The following NEK10 variants were observed in gnomAD, a reference collection of about 807,000 sequenced individuals.
The protein encoded by NEK10 is serine/threonine-protein kinase Nek10.
NEK10 carries 122 observed loss-of-function variants against 159.8 expected under a neutral mutation model. That is an observed-to-expected ratio of 0.76 (90% CI 0.66 to 0.89). The LOEUF (loss-of-function observed/expected upper bound fraction) is 0.89. Among genes scored for constraint, NEK10 ranks in the 40% least tolerant of loss-of-function variants. NEK10 has a pLI of 0.00. For missense variants in NEK10, 1,342 were observed against 1,323.1 expected, an observed-to-expected ratio of 1.01 and a Z score of -0.22; for synonymous variants, 466 against 457.1, an observed-to-expected ratio of 1.02 and a Z score of -0.25.
chr3:27,133,182 C>T (rs537886166), intron 31 of NEK10, among the ~76,000 whole-genome samples: 2 of 152,234 alleles, frequency 1.3e-5, no homozygotes, highest in Admixed American at 6.5e-5. Context: ...CTGAGCAGCC[C>T]GAATGGAACT....
At chr3:27,192,634 AT>A (rs1949220669) in intron 25 of NEK10, among the ~76,000 whole-genome samples, 1 of 151,418 alleles carries the variant, frequency 6.6e-6, no homozygotes, top group African/African-American at 2.4e-5. Context: ...TAAACCTTTC[AT>A]TAGTGTGGAT....
At chr3:27,236,295 A>T (rs1364930549) in intron 23 of NEK10, among the ~76,000 whole-genome samples, 4 of 152,172 alleles carry the variant, frequency 2.6e-5, no homozygotes, top group Admixed American at 2.6e-4. Flanking sequence ...CTTAAAAGTT[A>T]AAAAATAAGT....
chr3:27,331,875 T>C lies in NEK10; in HGVS notation c.363-9614A>G, dbSNP rs115716691. The stretch of plus-strand genomic sequence containing the variant: ...TCATTTCCAAAATTCTTCAAATTTG[T>C]AGCAGATATCTCAGGAAACTGGGGT... On this transcript the variant is annotated intron_variant, in intron 5 of 35. Transcript: ENST00000691995. Among the ~76,000 whole-genome samples the C allele has an allele frequency of 8.8e-3, 1,333 of 152,340 alleles. 26 individuals carry two copies. Among genetic ancestry groups the C allele is most frequent in the African/African-American group, 0.03 (1,229 of 41,578 alleles).
intron 30 of NEK10, chr3:27,162,438 C>G (rs376531519): frequency 6.2e-7 from 1 of 1,610,554 alleles, no homozygotes. Context: ...TGCTTAACAT[C>G]AATGTGATCT....
At chr3:27,335,330 ACT>A (rs1368990632) in intron 5 of NEK10, among the ~76,000 whole-genome samples, 8 of 142,288 alleles carry the variant, frequency 5.6e-5, no homozygotes, top group Admixed American at 4.7e-4. Context: ...ACAGAGTGAA[ACT>A]CTGTCTCAAA....
chr3:27,334,545 G>A (rs1406462801), intron 5 of NEK10, among the ~76,000 whole-genome samples: 1 of 152,052 alleles, frequency 6.6e-6, no homozygotes, highest in Non-Finnish European at 1.5e-5. Flanking sequence ...AGCCTACCTT[G>A]TGTCCCAGTC....
intron 5 of NEK10, among the ~76,000 whole-genome samples, chr3:27,324,842 C>A (rs1225891576): frequency 1.3e-5 from 2 of 152,154 alleles, no homozygotes; most frequent in Admixed American, 1.3e-4. Flanking sequence ...GGCCTGGCCT[C>A]CCCATTACAC....
chr3:27,339,125 T>C (rs1353806146), intron 5 of NEK10, among the ~76,000 whole-genome samples: 1 of 152,158 alleles, frequency 6.6e-6, no homozygotes, highest in Non-Finnish European at 1.5e-5. Context: ...CATTAAAAAG[T>C]GGGCAAAGTT....
At chr3:27,281,877 T>C (rs530262199) in intron 22 of NEK10, among the ~76,000 whole-genome samples, 1 of 152,242 alleles carries the variant, frequency 6.6e-6, no homozygotes, top group South Asian at 2.1e-4. Flanking sequence ...TGTTTGACCA[T>C]GTGGAAAATA....
intron 22 of NEK10, among the ~76,000 whole-genome samples, chr3:27,281,125 G>A (rs73161145): frequency 0.025 from 3,738 of 151,828 alleles, 159 homozygotes; most frequent in African/African-American, 0.086. Context: ...CAATGGAATG[G>A]AAAAGAAAGT....
chr3:27,267,009 C>T (rs746702633), intron 22 of NEK10, among the ~76,000 whole-genome samples: 1 of 152,164 alleles, frequency 6.6e-6, no homozygotes, highest in Non-Finnish European at 1.5e-5. Flanking sequence ...TTCACAACAC[C>T]TCCACAGGTA....
chr3:27,281,466 T>C (rs1486052266), intron 22 of NEK10, among the ~76,000 whole-genome samples: 1 of 151,870 alleles, frequency 6.6e-6, no homozygotes, highest in East Asian at 1.9e-4. Context: ...AGAAGAACAC[T>C]GGATTTCCTG....
intron 1 of NEK10, among the ~76,000 whole-genome samples, chr3:27,366,464 C>G (rs1439285942): frequency 6.6e-6 from 1 of 152,234 alleles, no homozygotes; most frequent in African/African-American, 2.4e-5. Flanking sequence ...GTGCTCAACC[C>G]AGTTCACTTT....
intron 23 of NEK10, among the ~76,000 whole-genome samples, chr3:27,235,556 A>G (rs1953815787): frequency 1.3e-5 from 2 of 152,166 alleles, no homozygotes; most frequent in Admixed American, 1.3e-4. Flanking sequence ...CAAAACCCCA[A>G]TGAGATGTCA....
At chr3:27,157,610 T>C (rs914265822) in intron 30 of NEK10, among the ~76,000 whole-genome samples, 3 of 152,188 alleles carry the variant, frequency 2.0e-5, no homozygotes, top group East Asian at 3.8e-4. Context: ...GCTATGAACA[T>C]TGTTGAAATG....
At chr3:27,366,799 G>T (rs1404687541) in intron 1 of NEK10, among the ~76,000 whole-genome samples, 1 of 146,714 alleles carries the variant, frequency 6.8e-6, no homozygotes, top group African/African-American at 2.5e-5. Context: ...CTAGACTTCA[G>T]TGTGTTCATT....
At position 27,268,523 on chromosome 3, in the gene NEK10, T is replaced by G. The variant is rs533283232; in HGVS notation, c.2015-12152A>C. Among the ~76,000 whole-genome samples the G allele has an allele frequency of 7.4e-4, 112 of 152,298 alleles. 1 individual carries two copies. Among genetic ancestry groups the G allele is most frequent in the African/African-American group, 1.9e-3 (79 of 41,572 alleles). On this transcript the variant is annotated intron_variant, in intron 22 of 35. Transcript: ENST00000691995. ...AATGTTGCTACATATACTCTGCTTGTTGTCTATAAGTGGAACAACAAAGTC... is the reference window on the plus strand; with the variant it reads ...AATGTTGCTACATATACTCTGCTTGGTGTCTATAAGTGGAACAACAAAGTC...
At chr3:27,346,021 TTAAA>T in intron 4 of NEK10, 61 bp downstream of exon 4, 1 of 1,519,812 alleles carries the variant, frequency 6.6e-7, no homozygotes, top group Admixed American at 1.9e-5. Context: ...TGGGATAAAC[TTAAA>T]TAAAACTGTG....
intron 5 of NEK10, among the ~76,000 whole-genome samples, chr3:27,325,378 A>G (rs2045935785): frequency 6.6e-6 from 1 of 152,216 alleles, no homozygotes; most frequent in African/African-American, 2.4e-5. Flanking sequence ...TGTATCCAGC[A>G]AGAATAAAGA....
Sources: allele counts gnomAD v4.1 joint callset (sites outside exome capture counted in the v4.1 genomes callset), GRCh38; gene constraint gnomAD v4.1.1; transcripts MANE v1.5; gene names NCBI Gene and HGNC (gene_info 2026-07-23, HGNC 2026-07-21).